The following MED24 variants were observed in gnomAD, a reference collection of about 807,000 sequenced individuals.
MED24 encodes the protein mediator of RNA polymerase II transcription subunit 24.
In MED24, 74 loss-of-function variants were observed where a neutral mutation model predicts 118.8. That is an observed-to-expected ratio of 0.62 (90% CI 0.52 to 0.76). The LOEUF (loss-of-function observed/expected upper bound fraction) is 0.76. Among genes scored for constraint, MED24 ranks in the 30% least tolerant of loss-of-function variants. The probability of loss-of-function intolerance (pLI) is 0.00; values close to 1 mark genes in which losing one functional copy is unlikely to be tolerated. For missense variants in MED24, 1,041 were observed against 1,278.9 expected, an observed-to-expected ratio of 0.81 and a Z score of 2.84; for synonymous variants, 521 against 523.9, an observed-to-expected ratio of 0.99 and a Z score of 0.08.
chr17:40,019,923 G>A lies in MED24; in HGVS notation c.2715C>T (p.Phe905=), dbSNP rs781470758. ...DPLNRVLANL[F]LLISSILGSR... ...ACCCCAGGATGGAGGAGATGAGCAGGAACAGGTTGGCTGTAGAGAGTGGGG... is the reference window on the plus strand; with the variant it reads ...ACCCCAGGATGGAGGAGATGAGCAGAAACAGGTTGGCTGTAGAGAGTGGGG... Residue 905 remains phenylalanine, a synonymous_variant, in exon 25 of 26, where the codon TTC becomes TTT. Transcript: ENST00000394128. 6.4e-7 allele frequency: 1 copy of A among 1,565,638 alleles called. No individual in the cohort carries two copies. The highest frequency in any genetic ancestry group is 8.7e-7 in the Non-Finnish European group (1 of 1,154,362).
intron 19 of MED24, among the ~76,000 whole-genome samples, chr17:40,024,412 T>G (rs1272778508): frequency 2.0e-5 from 3 of 152,146 alleles, no homozygotes; most frequent in Non-Finnish European, 2.9e-5. Flanking sequence ...CACATGCCTG[T>G]AATCCCGGCT....
intron 12 of MED24, among the ~76,000 whole-genome samples, chr17:40,030,813 C>CACG (rs1350577079): frequency 6.6e-6 from 1 of 152,068 alleles, no homozygotes; most frequent in African/African-American, 2.4e-5. Flanking sequence ...CACACACCAC[C>CACG]ACGCCCAGCT....
intron 3 of MED24, among the ~76,000 whole-genome samples, chr17:40,043,711 G>C (rs1984801754): frequency 6.6e-6 from 1 of 151,464 alleles, no homozygotes; most frequent in Non-Finnish European, 1.5e-5. Flanking sequence ...ACACTTTCGT[G>C]AAACCCCATC....
In MED24 at chr17:40,022,809, C is replaced by T. The variant is rs12941675; in HGVS notation, c.2268G>A (p.Thr756=). Residue 756 remains threonine, a synonymous_variant, in exon 21 of 26, where the codon ACG becomes ACA. Coordinates refer to ENST00000394128, the MANE Select transcript of MED24 (RefSeq NM_014815.4). ...CTGCCCGCAGCGTGTGCTCCTTCCG[C>T]GTCTCCTTCAGCAGCTCCTAGTGCG... ...NNLIKELLKE[T]RKEHTLRAVE... 6,496 of 1,613,410 alleles carry T rather than the reference C, an allele frequency of 4.0e-3. 260 individuals carry two copies. In the African/African-American group the frequency reaches 0.075, roughly 19 times the overall value.
chr17:40,046,833 A>G (rs1985279859), intron 3 of MED24, among the ~76,000 whole-genome samples: 2 of 152,116 alleles, frequency 1.3e-5, no homozygotes, highest in South Asian at 4.1e-4. Flanking sequence ...AGGCAGGAGG[A>G]TCGCTTGAGC....
At position 40,019,258 on chromosome 17, in the gene MED24, G is replaced by A; in HGVS notation, c.*271C>T. 2.1e-6 allele frequency: 1 copy of A among 484,702 alleles called. No individual in the cohort carries two copies. The highest frequency in any genetic ancestry group is 2.9e-5 in the South Asian group (1 of 34,850). 30.0% of individuals were successfully genotyped at this position (484,702 alleles called of 1,614,324 possible). On this transcript the variant is annotated 3_prime_UTR_variant, in exon 26 of 26. Transcript: ENST00000394128. The stretch of plus-strand genomic sequence containing the variant: ...AGAGGTAAGACTACTCCTGGGCTGG[G>A]GCGGGCGCACACAGGGGTGACCACT...
chr17:40,022,592 G>A, intron 21 of MED24, 53 bp downstream of exon 21: 2 of 1,607,234 alleles, frequency 1.2e-6, no homozygotes, highest in East Asian at 2.2e-5. Flanking sequence ...ACCAGGCGAG[G>A]GGTGCTTGAC....
At chr17:40,044,684 A>G (rs997604910) in intron 3 of MED24, among the ~76,000 whole-genome samples, 13 of 151,964 alleles carry the variant, frequency 8.6e-5, no homozygotes, top group African/African-American at 3.1e-4. Flanking sequence ...GATCGAGACC[A>G]TCCTGGCTAA....
rs191409548 is a variant in MED24 at position 40,027,015 on chromosome 17, C to G, written c.1550G>C (p.Arg517Pro). 3.7e-6 allele frequency: 6 copies of G among 1,614,006 alleles called. No homozygotes were observed. Among genetic ancestry groups the G allele is most frequent in the Non-Finnish European group, 4.2e-6 (5 of 1,179,994 alleles). Residue 517 changes from arginine (R) to proline (P), a missense_variant, in exon 17 of 26, where the codon CGC (arginine) becomes CCC (proline). Physicochemically the swap from Arg to Pro is moderately radical, Grantham distance 103. Transcript: ENST00000394128. ...GAAGAAGGGCACCTCAGCTCCTGTGCGCGACTCGGACAGAATCACCTGGGA... is the reference window on the plus strand; with the variant it reads ...GAAGAAGGGCACCTCAGCTCCTGTGGGCGACTCGGACAGAATCACCTGGGA... ...YGSEVILSES[R>P]TGAEVPFFET...
intron 3 of MED24, among the ~76,000 whole-genome samples, chr17:40,046,138 G>A (rs1236627412): frequency 2.9e-5 from 4 of 139,258 alleles, no homozygotes; most frequent in African/African-American, 8.1e-5. Flanking sequence ...AGGCTGGAGC[G>A]CAGTGGCGCG....
intron 3 of MED24, among the ~76,000 whole-genome samples, chr17:40,045,842 ATCTTGGCTC>A (rs1985114888): frequency 6.6e-6 from 1 of 152,092 alleles, no homozygotes; most frequent in South Asian, 2.1e-4. Context: ...CAGTGGTTCG[ATCTTGGCTC>A]ACTCCAACCT....
intron 24 of MED24, 169 bp downstream of exon 24, chr17:40,020,104 G>T: frequency 1.3e-6 from 1 of 779,278 alleles, no homozygotes; most frequent in Non-Finnish European, 2.1e-6. Flanking sequence ...GGGAGGAGGG[G>T]GAACTAGACA....
chr17:40,023,377 C>T lies in MED24; in HGVS notation c.2004G>A (p.Ser668=), dbSNP rs778509847. ...FYNERVVIMN[S]ILERMCADVL... Reference sequence around the variant, plus strand: ...CGTCGGCACACATGCGCTCCAGGATCGAGTTCATGATCACCACCCTGGGGG... The same window carrying T: ...CGTCGGCACACATGCGCTCCAGGATTGAGTTCATGATCACCACCCTGGGGG... Residue 668 remains serine, a synonymous_variant, in exon 20 of 26, where the codon TCG becomes TCA. Transcript: ENST00000394128. 5 of 1,598,000 alleles carry T rather than the reference C, an allele frequency of 3.1e-6. No homozygotes were observed. The highest frequency in any genetic ancestry group is 4.3e-6 in the Non-Finnish European group (5 of 1,170,534).
chr17:40,020,232 C>G, intron 24 of MED24, 41 bp downstream of exon 24: 1 of 1,467,658 alleles, frequency 6.8e-7, no homozygotes, highest in Non-Finnish European at 9.1e-7. Flanking sequence ...GAGACTCGTC[C>G]AGCTTAGCCC....
In MED24 at chr17:40,033,158, G is replaced by A. The variant is rs200354671; in HGVS notation, c.720C>T (p.Gly240=). The A allele has an allele frequency of 1.2e-5, 20 of 1,613,852 alleles. No individual in the cohort carries two copies. The highest frequency in any genetic ancestry group is 1.7e-5 in the Admixed American group (1 of 60,026). The change falls in exon 8 of 26, where the codon GGC becomes GGT. Residue 240 remains glycine (G), a synonymous_variant. Coordinates refer to ENST00000394128, the MANE Select transcript of MED24 (RefSeq NM_014815.4). The surrounding 1 kb of genome is among the most constrained non-coding windows in gnomAD (Gnocchi z 5.2). ...GGATCACGGCGTGGACAGTGGGGAA[G>A]CCGGTCTTGTGCATCTGCTCCGCAT... ...SVHAEQMHKT[G]FPTVHAVILL...
rs1982809202 is a variant in MED24 at position 40,027,457 on chromosome 17, C to G, written c.1456G>C (p.Ala486Pro). The change falls in exon 16 of 26, where the codon GCC becomes CCC. Residue 486 changes from alanine to proline, a missense_variant. Physicochemically the swap from Ala to Pro is conservative, Grantham distance 27 (BLOSUM62 -1). Coordinates refer to ENST00000394128, the MANE Select transcript of MED24 (RefSeq NM_014815.4). The part of the protein sequence containing the change: ...TYGSEESTKP[A>P]SVRALLFDIS... ...TCAAACAGCAGGGCCCGGACGGAGG[C>G]CGGTTTGGCTGTGGAAGGACGGGAA... is the stretch of plus-strand genomic sequence containing the variant. 6.2e-7 allele frequency: 1 copy of G among 1,611,504 alleles called. No homozygotes were observed. Among genetic ancestry groups the G allele is most frequent in the African/African-American group, 1.3e-5 (1 of 74,872 alleles).
At chr17:40,027,099 T>C (rs767590110) in intron 16 of MED24, 65 bp from the exon 17 acceptor site, 105 of 1,568,704 alleles carry the variant, frequency 6.7e-5, no homozygotes, top group Non-Finnish European at 7.4e-5. Context: ...GCGCTGGACC[T>C]GGGGCTGCAC....
At chr17:40,034,185 GA>G (rs1019993392) in intron 6 of MED24, among the ~76,000 whole-genome samples, 1 of 151,714 alleles carries the variant, frequency 6.6e-6, no homozygotes, top group Non-Finnish European at 1.5e-5. Flanking sequence ...ATAAAAGGGG[GA>G]AAAAAAGACA....
intron 3 of MED24, among the ~76,000 whole-genome samples, chr17:40,043,291 TCA>T (rs1420068926): frequency 6.6e-6 from 1 of 152,122 alleles, no homozygotes; most frequent in Non-Finnish European, 1.5e-5. Context: ...TCCCGTTGTC[TCA>T]GACTGATGGG....
Sources: gnomAD v4.1 joint callset for allele counts (sites outside exome capture counted in the v4.1 genomes callset) on GRCh38, gnomAD v4.1.1 for gene constraint, Gnocchi (gnomAD v3.1) non-coding constraint, MANE v1.5 for transcripts, NCBI Gene and HGNC (gene_info 2026-07-23, HGNC 2026-07-21) for gene names.